Variants in DAPK3 observed in about 807,000 individuals in gnomAD.
DAPK3 encodes the protein death-associated protein kinase 3.
DAPK3 carries 24 observed loss-of-function variants against 30.6 expected under a neutral mutation model. That is an observed-to-expected ratio of 0.78 (90% CI 0.57 to 1.10). DAPK3 has a LOEUF of 1.10. DAPK3 is among the 50% of genes least tolerant of loss of function. The pLI, the probability that DAPK3 is intolerant of heterozygous loss-of-function variation, is 0.00. For synonymous variants in DAPK3, 341 were observed against 284.0 expected (o/e 1.20, Z -2.02); for missense variants, 629 against 657.3 (o/e 0.96, Z 0.47).
Position 3,963,631 on chromosome 19 carries a change from C to A in DAPK3, c.629+12G>T, listed in dbSNP as rs2039542278. 6.6e-7 allele frequency: 1 copy of A among 1,515,608 alleles called. No individual in the cohort carries two copies. 93.9% of individuals were successfully genotyped at this position (1,515,608 alleles called of 1,614,324 possible). Reference sequence around the variant, plus strand: ...TGTTGCACAGCCGAGGGGGCCCCCGCCAGGTACTCACAGGATATAGGTGAT... The same window carrying A: ...TGTTGCACAGCCGAGGGGGCCCCCGACAGGTACTCACAGGATATAGGTGAT... On this transcript the variant is annotated intron_variant, in intron 6 of 8. Transcript: ENST00000545797.
chr19:3,959,314 C>T lies in DAPK3; in HGVS notation c.1152G>A (p.Glu384=). Reference sequence around the variant, plus strand: ...GCTTGAGCGCCTCGGTCTTGAGCAGCTCCTGCCGTAGCCTCCGCAGGTCCT... The same window carrying T: ...GCTTGAGCGCCTCGGTCTTGAGCAGTTCCTGCCGTAGCCTCCGCAGGTCCT... The part of the protein sequence containing the change: ...LGQDLRRLRQ[E]LLKTEALKRQ... Residue 384 remains glutamate, a synonymous_variant, in exon 9 of 9, where the codon GAG becomes GAA. Coordinates refer to ENST00000545797, the MANE Select transcript of DAPK3 (RefSeq NM_001348.3). 6.3e-7 allele frequency: 1 copy of T among 1,593,954 alleles called. No homozygotes were observed. The highest frequency in any genetic ancestry group is 8.5e-7 in the Non-Finnish European group (1 of 1,177,272).
chr19:3,964,517 C>G, intron 3 of DAPK3, 114 bp downstream of exon 3: 1 of 1,336,084 alleles, frequency 7.5e-7, no homozygotes, highest in South Asian at 1.3e-5. Flanking sequence ...AACCTCACCC[C>G]CACGCTCCCC....
At position 3,959,448 on chromosome 19, in the gene DAPK3, G is replaced by C. The variant is rs1217983026; in HGVS notation, c.1018C>G (p.Arg340Gly). ...EEAAAAEEGL[R>G]ELQRSRRLCH... is the part of the protein sequence containing the mutation. ...AGCCGCCGGCTGCGCTGCAGCTCGCGCAGGCCCTCCTCGGCGGCCGCCGCC... is the reference window on the plus strand; with the variant it reads ...AGCCGCCGGCTGCGCTGCAGCTCGCCCAGGCCCTCCTCGGCGGCCGCCGCC... Residue 340 changes from arginine to glycine, a missense_variant, in exon 9 of 9, where the codon CGC becomes GGC. By Grantham distance (125) the Arg-to-Gly change is moderately radical. Around this residue, in one of 2 missense-constraint regions of DAPK3, gnomAD observed 323 missense variants for 278.8 expected, o/e 1.16. Coordinates refer to ENST00000545797, the MANE Select transcript of DAPK3 (RefSeq NM_001348.3). 1 of 1,548,572 alleles carries C rather than the reference G, an allele frequency of 6.5e-7. No homozygotes were observed. Among genetic ancestry groups the C allele is most frequent in the South Asian group, 1.2e-5 (1 of 85,428 alleles).
chr19:3,966,941 G>A lies in DAPK3; in HGVS notation c.63-1950C>T, dbSNP rs545431921. ...TGAAACGTGCCTCATCTCCCCAGCC[G>A]GGAAAGAAACTCCCCAAGAGCTGAG... On this transcript the variant is annotated intron_variant, in intron 2 of 8. Coordinates refer to ENST00000545797, the MANE Select transcript of DAPK3 (RefSeq NM_001348.3). Among the ~76,000 whole-genome samples, 19 of 152,198 alleles carry A rather than the reference G, an allele frequency of 1.2e-4. No individual in the cohort carries two copies. The South Asian group carries it at 2.9e-3, about 23-fold the overall frequency.
chr19:3,966,833 C>T (rs994381254), intron 2 of DAPK3, among the ~76,000 whole-genome samples: 1 of 151,882 alleles, frequency 6.6e-6, no homozygotes, highest in Non-Finnish European at 1.5e-5. Flanking sequence ...CGCCCACCTC[C>T]AGACAGCCCC....
rs1599180772 is a variant in DAPK3, at chr19:3,964,937, G to A, written c.117C>T (p.Tyr39=). The part of the protein sequence containing the change: ...KCRQKGTGKE[Y]AAKFIKKRRL... ...GGCGCTTCTTGATGAACTTGGCTGC[G>A]TACTCCTTGCCCGTGCCCTTCTGCC... The change falls in exon 3 of 9, where the codon TAC becomes TAT. Residue 39 remains tyrosine (Y), a synonymous_variant. Transcript: ENST00000545797. The A allele has an allele frequency of 6.2e-6, 10 of 1,611,886 alleles. No individual in the cohort carries two copies. The highest frequency in any genetic ancestry group is 7.6e-6 in the Non-Finnish European group (9 of 1,178,566).
intron 6 of DAPK3, among the ~76,000 whole-genome samples, chr19:3,963,301 G>A (rs2039538286): frequency 6.6e-6 from 1 of 152,148 alleles, no homozygotes; most frequent in South Asian, 2.1e-4. Context: ...AGGCCCACGT[G>A]TGGCCCAGGG....
At position 3,969,752 on chromosome 19, in the gene DAPK3, T is replaced by C; in HGVS notation, c.-17A>G. 1 of 1,600,952 alleles carries C rather than the reference T, an allele frequency of 6.2e-7. No homozygotes were observed. Among genetic ancestry groups the C allele is most frequent in the East Asian group, 2.2e-5 (1 of 44,832 alleles). ...CGTGGACATGGCGGCCGGTCCGCCT[T>C]CCAGCAGCTTCCACTCCAGGGAAAG... is the stretch of plus-strand genomic sequence containing the variant. On this transcript the variant is annotated 5_prime_UTR_variant, in exon 2 of 9. Coordinates refer to ENST00000545797, the MANE Select transcript of DAPK3 (RefSeq NM_001348.3).
intron 6 of DAPK3, among the ~76,000 whole-genome samples, chr19:3,963,137 G>T (rs1199534537): frequency 2.0e-5 from 3 of 151,956 alleles, no homozygotes; most frequent in African/African-American, 7.2e-5. Flanking sequence ...TGGGAGCATG[G>T]TTGTGTGCAC....
intron 6 of DAPK3, chr19:3,961,389 C>G (rs780629265): frequency 2.9e-6 from 2 of 688,018 alleles, no homozygotes; most frequent in Non-Finnish European, 5.6e-6. Context: ...CAGAAATGAA[C>G]AGGCAGAAGT....
chr19:3,970,355 C>G (rs1375257368), intron 1 of DAPK3, among the ~76,000 whole-genome samples: 1 of 152,132 alleles, frequency 6.6e-6, no homozygotes, highest in East Asian at 1.9e-4. Flanking sequence ...CCTGGAACTC[C>G]AAGGCTCAAG....
At chr19:3,959,987 GA>G in intron 8 of DAPK3, 71 bp downstream of exon 8, 1 of 880,582 alleles carries the variant, frequency 1.1e-6, no homozygotes, top group South Asian at 1.3e-5. Context: ...CTTAAATGCT[GA>G]AGGCCCCCCG....
intron 6 of DAPK3, chr19:3,961,792 G>A (rs2039518655): frequency 6.5e-6 from 2 of 309,718 alleles, no homozygotes; most frequent in South Asian, 2.8e-5. Context: ...ATGGCTAAAT[G>A]CCGTGTGGGG....
chr19:3,970,545 A>C (rs1275619271), intron 1 of DAPK3: 1 of 150,834 alleles, frequency 6.6e-6, no homozygotes, highest in Non-Finnish European at 1.5e-5. Flanking sequence ...GAACCGGACG[A>C]CGCCTTCCAC....
intron 2 of DAPK3, 140 bp from the exon 3 acceptor site, chr19:3,965,131 C>CG (rs2039564199): frequency 3.3e-6 from 2 of 611,460 alleles, no homozygotes; most frequent in South Asian, 1.9e-5. Context: ...CTGGCCACTG[C>CG]GGGGGTGCAG....
Position 3,961,203 on chromosome 19 carries a change from C to T in DAPK3, c.630-42G>A, listed in dbSNP as rs760874747. 4 of 1,566,684 alleles carry T rather than the reference C, an allele frequency of 2.6e-6. No homozygotes were observed. The South Asian group carries it at 3.4e-5, about 13-fold the overall frequency. ...GGGGCTCAGTGGGGTCCTGGGCTCC[C>T]ACCACGGCCGCGCCGCCTCTCCGGC... On this transcript the variant is annotated intron_variant, in intron 6 of 8. Transcript: ENST00000545797.
intron 7 of DAPK3, among the ~76,000 whole-genome samples, chr19:3,960,339 C>T (rs999352382): frequency 4.6e-5 from 7 of 152,090 alleles, no homozygotes; most frequent in African/African-American, 1.7e-4. Context: ...AGGGACTGGG[C>T]GGCCATGGAG....
rs1352191131 is a variant in DAPK3, at chr19:3,959,293, G to C, written c.1173C>G (p.Leu391=). ...TGGCCTCCTCCTGCGCCTGCCGCTT[G>C]AGCGCCTCGGTCTTGAGCAGCTCCT... The part of the protein sequence containing the change: ...LRQELLKTEA[L]KRQAQEEAKG... The change falls in exon 9 of 9, where the codon CTC becomes CTG. Residue 391 remains leucine (L), a synonymous_variant. Transcript: ENST00000545797. 4.4e-6 allele frequency: 7 copies of C among 1,596,720 alleles called. No homozygotes were observed. In the South Asian group the frequency reaches 7.7e-5, roughly 18 times the overall value.
At chr19:3,970,202 C>T (rs553484483) in intron 1 of DAPK3, among the ~76,000 whole-genome samples, 1 of 152,306 alleles carries the variant, frequency 6.6e-6, no homozygotes, top group East Asian at 1.9e-4. Context: ...CCTCAAATCC[C>T]AGGGCTACCT....
Sources: allele counts gnomAD v4.1 joint callset (sites outside exome capture counted in the v4.1 genomes callset), GRCh38; gene constraint gnomAD v4.1.1; regional missense constraint gnomAD v4.1.1; transcripts MANE v1.5; gene names NCBI Gene and HGNC (gene_info 2026-07-23, HGNC 2026-07-21).